The following DECR2 variants were observed in gnomAD, a reference collection of about 807,000 sequenced individuals.
The protein encoded by DECR2 is peroxisomal 2,4-dienoyl-CoA reductase [(3E)-enoyl-CoA-producing].
A neutral mutation model predicts 29.2 loss-of-function variants in DECR2; 34 were observed. The ratio of observed to expected loss-of-function variants is 1.16; its 90% CI spans 0.89 to 1.55. The LOEUF (loss-of-function observed/expected upper bound fraction) is 1.55. Ranked by LOEUF, DECR2 falls within the 40% of genes most tolerant of loss-of-function variation. The pLI, the probability that DECR2 is intolerant of heterozygous loss-of-function variation, is 0.00. For synonymous variants in DECR2, 224 were observed against 182.7 expected, an observed-to-expected ratio of 1.23 and a Z score of -1.82; for missense variants, 485 against 425.3, an observed-to-expected ratio of 1.14 and a Z score of -1.23.
chr16:407,747 TCTCCGGCCCCCTGTCTCC>T (rs2054744266), intron 4 of DECR2, among the ~76,000 whole-genome samples, 187 bp downstream of exon 4: 1 of 149,568 alleles, frequency 6.7e-6, no homozygotes, highest in Admixed American at 6.7e-5. Flanking sequence ...TCCGGCCCCA[TCTCCGGCCCCCTGTCTCC>T]GGGCCCCTGT....
In DECR2 at chr16:402,840, C is replaced by G. The variant is rs150326761; in HGVS notation, c.80+797C>G. On this transcript the variant is annotated intron_variant, in intron 1 of 8. Transcript: ENST00000219481. ...CTCTGCTAAAAATACAAAAAATTAG[C>G]CGGGTGTGGTGGCGCACACCTGTAA... 6.9e-3 allele frequency: 1,100 copies of G among 159,004 alleles called. 9 individuals carry two copies. The highest frequency in any genetic ancestry group is 0.025 in the African/African-American group (1,018 of 41,540). 9.8% of individuals were successfully genotyped at this position (159,004 alleles called of 1,614,324 possible). A position where few individuals can be genotyped will look rare whatever the true frequency, so the allele number is the denominator to read the frequency against.
chr16:407,798 T>TCCGGGCCCCTGTCTCCGGGCCC (rs2054746916), intron 4 of DECR2, among the ~76,000 whole-genome samples: 1 of 53,582 alleles, frequency 1.9e-5, no homozygotes, highest in Non-Finnish European at 3.4e-5. Flanking sequence ...GTCTCCGGGC[T>TCCGGGCCCCTGTCTCCGGGCCC]CTGTCTCCGG....
intron 1 of DECR2, among the ~76,000 whole-genome samples, chr16:404,325 G>A (rs1238629247): frequency 1.3e-5 from 2 of 151,408 alleles, no homozygotes; most frequent in Non-Finnish European, 2.9e-5. Context: ...CACAACCTCC[G>A]CCTCCTGGGT....
intron 4 of DECR2, among the ~76,000 whole-genome samples, chr16:408,156 CCTGTCTCCGGGCCTCTGTCTCCGGGCCT>C (rs1361820386): frequency 3.2e-5 from 1 of 31,388 alleles, no homozygotes; most frequent in Non-Finnish European, 6.1e-5. Flanking sequence ...TCTCCGGCCC[CCTGTCTCCGGGCCTCTGTCTCCGGGCCT>C]CTGTCTCCGG....
rs533096280 is a variant in DECR2 at position 412,435 on chromosome 16, A to T, written c.*546A>T. On this transcript the variant is annotated 3_prime_UTR_variant, in exon 9 of 9. Transcript: ENST00000219481. ...CTGTAAAAATAAATTGGACTTTGCAAAAGCTTTTAGAAGGAAAAGAAAGAG... is the reference window on the plus strand; with the variant it reads ...CTGTAAAAATAAATTGGACTTTGCATAAGCTTTTAGAAGGAAAAGAAAGAG... 1 of 152,310 alleles carries T rather than the reference A, an allele frequency of 6.6e-6. No individual in the cohort carries two copies. Among genetic ancestry groups the T allele is most frequent in the South Asian group, 2.1e-4 (1 of 4,826 alleles). The allele number at this position is 152,310 out of a possible 1,614,324, so 9.4% of individuals were successfully genotyped here.
intron 1 of DECR2, among the ~76,000 whole-genome samples, chr16:403,431 T>C (rs1227780928): frequency 3.3e-5 from 5 of 152,198 alleles, no homozygotes; most frequent in Non-Finnish European, 4.4e-5. Context: ...ACACATTTAA[T>C]GCGTACAAGA....
At chr16:403,893 G>A (rs2054694909) in intron 1 of DECR2, among the ~76,000 whole-genome samples, 1 of 152,004 alleles carries the variant, frequency 6.6e-6, no homozygotes, top group African/African-American at 2.4e-5. Flanking sequence ...AAATAAATAG[G>A]CCCGGTGTGG....
intron 1 of DECR2, among the ~76,000 whole-genome samples, chr16:403,926 C>T (rs529035472): frequency 7.9e-4 from 120 of 152,240 alleles, no homozygotes; most frequent in Admixed American, 2.4e-3. Context: ...GTAATCCCAG[C>T]ACTTTGGGAG....
chr16:402,035 C>A lies in DECR2; in HGVS notation c.72C>A (p.Asp24Glu). 1 of 1,452,330 alleles carries A rather than the reference C, an allele frequency of 6.9e-7. No individual in the cohort carries two copies. The highest frequency in any genetic ancestry group is 1.3e-5 in the South Asian group (1 of 74,768). 90.0% of individuals were successfully genotyped at this position (1,452,330 alleles called of 1,614,324 possible). ...LPAYRHLFCP[D>E]LLRDKVAFIT... ...CGTACCGCCACCTCTTCTGCCCGGA[C>A]CTGCTGCGGTGAGCGGGGCCTGGGA... Residue 24 changes from aspartate (D) to glutamate (E), a missense_variant, in exon 1 of 9, where the codon GAC becomes GAA. Transcript: ENST00000219481.
intron 2 of DECR2, 89 bp from the exon 3 acceptor site, chr16:406,257 G>T (rs184324667): frequency 2.1e-6 from 3 of 1,413,464 alleles, no homozygotes; most frequent in East Asian, 2.3e-5. Flanking sequence ...TGGTACTTCC[G>T]CCTGAGAGAC....
At chr16:407,874 C>T (rs181418075) in intron 4 of DECR2, among the ~76,000 whole-genome samples, 6 of 144,216 alleles carry the variant, frequency 4.2e-5, no homozygotes, top group Non-Finnish European at 7.6e-5. Context: ...CGTCTCTCTC[C>T]GGCCCCATCT....
At chr16:402,978 C>CA in intron 1 of DECR2, 1 of 971,830 alleles carries the variant, frequency 1.0e-6, no homozygotes, top group Non-Finnish European at 1.2e-6. Flanking sequence ...AACTCCATCT[C>CA]AAAAAAAGAA....
At chr16:409,075 G>A (rs1473987516) in intron 4 of DECR2, among the ~76,000 whole-genome samples, 2 of 152,014 alleles carry the variant, frequency 1.3e-5, no homozygotes, top group African/African-American at 2.4e-5. Context: ...CAGGTGATCC[G>A]CCCGCCTTGG....
chr16:411,083 C>T lies in DECR2; in HGVS notation c.661+7C>T. 6.6e-7 allele frequency: 1 copy of T among 1,509,130 alleles called. No individual in the cohort carries two copies. Among genetic ancestry groups the T allele is most frequent in the Non-Finnish European group, 8.8e-7 (1 of 1,132,224 alleles). 93.5% of individuals were successfully genotyped at this position (1,509,130 alleles called of 1,614,324 possible). A position where few individuals can be genotyped will look rare whatever the true frequency, so the allele number is the denominator to read the frequency against. ...GAGGGGCTCCGGCGACTGGGTAAGG[C>T]TCTCAGGGAGCCCAGGCCTCCCACA... On this transcript the variant is annotated splice_region_variant and intron_variant, in intron 7 of 8. Coordinates refer to ENST00000219481, the MANE Select transcript of DECR2 (RefSeq NM_020664.4).
Position 411,068 on chromosome 16 carries a change from G to A in DECR2, c.653G>A (p.Arg218Gln), listed in dbSNP as rs375699056. 87 of 1,543,186 alleles carry A rather than the reference G, an allele frequency of 5.6e-5. No homozygotes were observed. The African/African-American group carries it at 8.5e-4, about 15-fold the overall frequency. The stretch of plus-strand genomic sequence containing the variant: ...CCCATCAGTGGCACAGAGGGGCTCC[G>A]GCGACTGGGTAAGGCTCTCAGGGAG... ...PGPISGTEGL[R>Q]RLGGPQASLS... The change falls in exon 7 of 9, where the codon CGG (arginine) becomes CAG (glutamine). Residue 218 changes from arginine (R) to glutamine (Q), a missense_variant. Coordinates refer to ENST00000219481, the MANE Select transcript of DECR2 (RefSeq NM_020664.4).
Position 411,422 on chromosome 16 carries a change from C to A in DECR2, c.723C>A (p.Asn241Lys). 6.2e-7 allele frequency: 1 copy of A among 1,613,284 alleles called. No individual in the cohort carries two copies. Among genetic ancestry groups the A allele is most frequent in the Non-Finnish European group, 8.5e-7 (1 of 1,180,006 alleles). The stretch of plus-strand genomic sequence containing the variant: ...CCAGCCCGCTGCAGAGGCTGGGGAA[C>A]AAGACCGAGATCGCCCACAGCGTGC... Reference protein sequence around the residue: ...VTASPLQRLGNKTEIAHSVLY... With the variant: ...VTASPLQRLGKKTEIAHSVLY... Residue 241 changes from asparagine (N) to lysine (K), a missense_variant, in exon 8 of 9, where the codon AAC becomes AAA. By Grantham distance (94) the Asn-to-Lys change is moderately conservative. Transcript: ENST00000219481.
rs199661265 is a variant in DECR2, at chr16:410,382, C to T, written c.462+15C>T. On this transcript the variant is annotated intron_variant, in intron 5 of 8. Coordinates refer to ENST00000219481, the MANE Select transcript of DECR2 (RefSeq NM_020664.4). The surrounding 1 kb of genome is among the most constrained non-coding windows in gnomAD (Gnocchi z 4.1). ...AGTTCTTCCGGGTGGGTGCCTCGTG[C>T]GCTCTGTGAGAAGTTCTTCCGGGTG... is the stretch of plus-strand genomic sequence containing the variant. The T allele has an allele frequency of 1.8e-4, 281 of 1,580,010 alleles. 5 individuals carry two copies. In the African/African-American group the frequency reaches 3.0e-3, roughly 17 times the overall value.
At chr16:404,100 G>A (rs893387833) in intron 1 of DECR2, among the ~76,000 whole-genome samples, 8 of 152,034 alleles carry the variant, frequency 5.3e-5, no homozygotes, top group African/African-American at 1.9e-4. Flanking sequence ...GTGAACCTGG[G>A]AGGAGGAGTT....
At chr16:408,307 T>TTCTGTCTCTGGTCC (rs1555495582) in intron 4 of DECR2, among the ~76,000 whole-genome samples, 3 of 140,436 alleles carry the variant, frequency 2.1e-5, no homozygotes, top group Admixed American at 1.4e-4. Flanking sequence ...GTCTCCGGGC[T>TTCTGTCTCTGGTCC]TCTGTCTCTG....
Sources: allele counts gnomAD v4.1 joint callset (sites outside exome capture counted in the v4.1 genomes callset), GRCh38; gene constraint gnomAD v4.1.1; non-coding constraint Gnocchi (gnomAD v3.1); transcripts MANE v1.5; gene names NCBI Gene and HGNC (gene_info 2026-07-23, HGNC 2026-07-21).